Variants in ZC4H2 observed in about 807,000 individuals in gnomAD.
The protein encoded by ZC4H2 is zinc finger C4H2-type containing, also known as zinc finger C4H2 domain-containing protein.
For synonymous variants in ZC4H2, 84 were observed against 66.3 expected, an observed-to-expected ratio of 1.27 and a Z score of -1.30; for missense variants, 137 against 173.9, an observed-to-expected ratio of 0.79 and a Z score of 1.19.
At chrX:65,016,632 C>T (rs1038045823) in intron 1 of ZC4H2, among the ~76,000 whole-genome samples, 2 of 111,424 alleles carry the variant, frequency 1.8e-5, no homozygotes, top group African/African-American at 6.5e-5. Flanking sequence ...ACCAAGAATG[C>T]TCAGATTCTG....
At chrX:64,959,522 G>T (rs1931292417) in intron 1 of ZC4H2, among the ~76,000 whole-genome samples, 1 of 106,580 alleles carries the variant, frequency 9.4e-6, no homozygotes, top group African/African-American at 3.4e-5. Flanking sequence ...CAAATTGAAA[G>T]ACCTAATGTA....
intron 1 of ZC4H2, among the ~76,000 whole-genome samples, chrX:64,928,503 C>G (rs1929533052): frequency 9.0e-6 from 1 of 111,505 alleles, no homozygotes; most frequent in Non-Finnish European, 1.9e-5. Flanking sequence ...GGTACTAGTA[C>G]CATGCTGTTT....
chrX:64,940,847 G>T (rs1930248680), intron 1 of ZC4H2, among the ~76,000 whole-genome samples: 1 of 111,778 alleles, frequency 8.9e-6, no homozygotes, highest in Non-Finnish European at 1.9e-5. Context: ...CCCCAGCTTT[G>T]TTCTTTTTGC....
intron 1 of ZC4H2, among the ~76,000 whole-genome samples, chrX:64,962,704 T>C (rs1482478005): frequency 1.8e-5 from 2 of 111,866 alleles, no homozygotes; most frequent in African/African-American, 3.2e-5. Context: ...AGTTACAAGA[T>C]GCAAAATCAA....
intron 1 of ZC4H2, among the ~76,000 whole-genome samples, chrX:64,990,244 G>A (rs1163985335): frequency 8.9e-6 from 1 of 111,890 alleles, no homozygotes; most frequent in East Asian, 2.8e-4. Flanking sequence ...AGAGAATTAT[G>A]CTGAGTAAAA....
chrX:64,923,012 C>T (rs943450819), intron 1 of ZC4H2, among the ~76,000 whole-genome samples: 8 of 111,362 alleles, frequency 7.2e-5, no homozygotes, highest in Non-Finnish European at 1.5e-4. Flanking sequence ...AATTGTATAC[C>T]GTGTGGCTCA....
intron 1 of ZC4H2, among the ~76,000 whole-genome samples, chrX:65,013,478 C>T (rs1932777883): frequency 9.0e-6 from 1 of 111,473 alleles, no homozygotes; most frequent in South Asian, 3.8e-4. Context: ...CAACTTCCCT[C>T]TTGCTAGCAG....
At chrX:64,989,599 T>C (rs1418884164) in intron 1 of ZC4H2, among the ~76,000 whole-genome samples, 1 of 112,097 alleles carries the variant, frequency 8.9e-6, no homozygotes, top group African/African-American at 3.2e-5. Context: ...AAAGACAAGG[T>C]ATACACTAGG....
chrX:64,926,469 C>A (rs1337987473), intron 1 of ZC4H2, among the ~76,000 whole-genome samples: 2 of 111,635 alleles, frequency 1.8e-5, no homozygotes, highest in Middle Eastern at 8.4e-3. Flanking sequence ...ATAAACTGCC[C>A]AACTGTTCCA....
At chrX:65,010,308 T>C (rs1261356456) in intron 1 of ZC4H2, among the ~76,000 whole-genome samples, 3 of 112,553 alleles carry the variant, frequency 2.7e-5, no homozygotes, top group Non-Finnish European at 5.6e-5. Context: ...CACACTCAGA[T>C]GTGCAAACAT....
chrX:65,030,129 A>C (rs1205121645), intron 1 of ZC4H2, among the ~76,000 whole-genome samples: 2 of 110,547 alleles, frequency 1.8e-5, no homozygotes, highest in African/African-American at 6.6e-5. Context: ...TTTCTTTTTT[A>C]TTTTTTGAGA....
At chrX:64,918,547 C>T (rs1929033596) in intron 4 of ZC4H2, 2 of 113,812 alleles carry the variant, frequency 1.8e-5, no homozygotes, top group Admixed American at 9.2e-5. Context: ...GGCTTTTGCC[C>T]AGTAGAGATG....
intron 3 of ZC4H2, 181 bp from the exon 4 acceptor site, chrX:64,919,385 T>C (rs1347951099): frequency 4.3e-6 from 2 of 462,503 alleles, no homozygotes; most frequent in Middle Eastern, 5.8e-4. Context: ...ATGAGAAGGG[T>C]AATCCTCTTT....
chrX:64,929,043 CGT>C (rs1235342904), intron 1 of ZC4H2, among the ~76,000 whole-genome samples: 2 of 108,731 alleles, frequency 1.8e-5, no homozygotes, highest in African/African-American at 6.7e-5. Flanking sequence ...CATAAGCCAC[CGT>C]GCCAGCTAAT....
Position 64,917,771 on chromosome X carries a change from C to T in ZC4H2, c.*12G>A. ...GTTATAATTAGCAAAGCTTCATGTG[C>T]TCTCCCTTTCTTTATTCATCCTGCT... is the stretch of plus-strand genomic sequence containing the variant. On this transcript the variant is annotated 3_prime_UTR_variant, in exon 5 of 5. Transcript: ENST00000374839. 8.3e-7 allele frequency: 1 copy of T among 1,207,943 alleles called. No individual in the cohort carries two copies. The highest frequency in any genetic ancestry group is 1.1e-6 in the Non-Finnish European group (1 of 893,614).
At chrX:64,961,637 G>GT (rs144713066) in intron 1 of ZC4H2, among the ~76,000 whole-genome samples, 13,702 of 109,121 alleles carry the variant, frequency 0.13, 913 homozygotes, top group Non-Finnish European at 0.19. Flanking sequence ...AACTAAGAGG[G>GT]TTTTTTTTGA....
intron 1 of ZC4H2, among the ~76,000 whole-genome samples, chrX:65,026,079 T>C (rs1467362071): frequency 8.9e-6 from 1 of 111,885 alleles, no homozygotes; most frequent in Non-Finnish European, 1.9e-5. Context: ...GGAATAGGAA[T>C]GGAAGGACCA....
intron 1 of ZC4H2, among the ~76,000 whole-genome samples, chrX:64,934,334 C>A (rs1408588412): frequency 8.9e-6 from 1 of 112,400 alleles, no homozygotes; most frequent in African/African-American, 3.2e-5. Flanking sequence ...ATTACAAATT[C>A]AATTTCCTAA....
chrX:64,919,210 G>C lies in ZC4H2; in HGVS notation c.399-6C>G. 2.5e-6 allele frequency: 3 copies of C among 1,210,604 alleles called. No homozygotes were observed. Among genetic ancestry groups the C allele is most frequent in the Middle Eastern group, 4.6e-4 (2 of 4,352 alleles). ...CTTTCTGCTTCTCAAAGTAACTTTG[G>C]AGATGAGAGACACTGGCTAGATCAT... On this transcript the variant is annotated splice_region_variant and splice_polypyrimidine_tract_variant and intron_variant, in intron 3 of 4. Transcript: ENST00000374839.
Sources: allele counts gnomAD v4.1 joint callset (sites outside exome capture counted in the v4.1 genomes callset), GRCh38; gene constraint gnomAD v4.1.1; transcripts MANE v1.5; gene names NCBI Gene and HGNC (gene_info 2026-07-23, HGNC 2026-07-21).